FAT3: variants seen among roughly 807,000 people sequenced by gnomAD.
FAT3 encodes the protein protocadherin Fat 3.
FAT3 carries 95 observed loss-of-function variants against 310.2 expected under a neutral mutation model. The ratio of observed to expected loss-of-function variants is 0.31; its 90% CI spans 0.26 to 0.36. The LOEUF (loss-of-function observed/expected upper bound fraction) is 0.36, where lower values mean the gene tolerates loss of function less well. Among genes scored for constraint, FAT3 ranks in the 10% least tolerant of loss-of-function variants. The probability of loss-of-function intolerance (pLI) is 1.00; values close to 1 mark genes in which losing one functional copy is unlikely to be tolerated. For missense variants in FAT3, 5,408 were observed against 5,715.6 expected, an observed-to-expected ratio of 0.95 and a Z score of 1.74; for synonymous variants, 2,314 against 2,192.9, an observed-to-expected ratio of 1.06 and a Z score of -1.54.
intron 1 of FAT3, among the ~76,000 whole-genome samples, chr11:92,343,868 C>G (rs1262609935): frequency 6.6e-6 from 1 of 152,100 alleles, no homozygotes; most frequent in Non-Finnish European, 1.5e-5. Context: ...TACCTCACTT[C>G]CAAAGCTTTC....
chr11:92,265,730 A>G (rs191332315), intron 1 of FAT3, among the ~76,000 whole-genome samples: 5 of 152,214 alleles, frequency 3.3e-5, no homozygotes, highest in African/African-American at 1.2e-4. Flanking sequence ...GGACAATGTC[A>G]TCTCCTTGTG....
intron 3 of FAT3, among the ~76,000 whole-genome samples, chr11:92,626,847 T>G (rs1837325827): frequency 6.6e-6 from 1 of 152,228 alleles, no homozygotes; most frequent in Non-Finnish European, 1.5e-5. Context: ...CCACTTCTCA[T>G]GAACTATGCA....
At chr11:92,310,027 T>C (rs1232083242) in intron 1 of FAT3, among the ~76,000 whole-genome samples, 1 of 152,076 alleles carries the variant, frequency 6.6e-6, no homozygotes, top group Admixed American at 6.6e-5. Flanking sequence ...ATTGGTGGAA[T>C]GTCTATTCAC....
At chr11:92,404,219 A>G (rs2134882009) in intron 2 of FAT3, among the ~76,000 whole-genome samples, 1 of 152,268 alleles carries the variant, frequency 6.6e-6, no homozygotes, top group South Asian at 2.1e-4. Context: ...AGAGAGTACA[A>G]ATATTAAAAA....
At chr11:92,569,831 C>T (rs1955606624) in intron 3 of FAT3, among the ~76,000 whole-genome samples, 1 of 152,150 alleles carries the variant, frequency 6.6e-6, no homozygotes, top group Admixed American at 6.5e-5. Context: ...GAATTGCAAG[C>T]CTCCACCATC....
chr11:92,708,950 A>T (rs572840665), intron 4 of FAT3, among the ~76,000 whole-genome samples: 4 of 152,236 alleles, frequency 2.6e-5, no homozygotes, highest in African/African-American at 9.6e-5. Context: ...AGGTCATTAG[A>T]TCTCTACTAT....
Position 92,880,585 on chromosome 11 carries a change from G to A in FAT3, c.12128-146G>A, listed in dbSNP as rs1949650874. 9.0e-5 allele frequency: 82 copies of A among 912,378 alleles called. 1 individual carries two copies. In the South Asian group the frequency reaches 1.6e-3, roughly 17 times the overall value. 56.5% of individuals were successfully genotyped at this position (912,378 alleles called of 1,614,324 possible). On this transcript the variant is annotated intron_variant, in intron 22 of 27. Coordinates refer to ENST00000525166, the MANE Select transcript of FAT3 (RefSeq NM_001367949.2). ...GCATTTTTGTGGCAAGATGTTTCAA[G>A]CAATCAATTTGCTAACCACCTTTGG...
intron 1 of FAT3, among the ~76,000 whole-genome samples, chr11:92,344,870 G>A (rs969935070): frequency 2.0e-5 from 3 of 152,142 alleles, no homozygotes; most frequent in Non-Finnish European, 4.4e-5. Context: ...TAAGGCTGGG[G>A]GAGGGCACTA....
At chr11:92,881,573 A>G (rs1347041289) in intron 23 of FAT3, among the ~76,000 whole-genome samples, 1 of 152,202 alleles carries the variant, frequency 6.6e-6, no homozygotes, top group African/African-American at 2.4e-5. Context: ...ATTTTTAAAT[A>G]CTCTGTGATT....
chr11:92,385,115 C>T (rs1949586924), intron 2 of FAT3, among the ~76,000 whole-genome samples: 1 of 152,216 alleles, frequency 6.6e-6, no homozygotes, highest in Non-Finnish European at 1.5e-5. Flanking sequence ...TTGAAAATTG[C>T]ATCATAGTAT....
Position 92,243,941 on chromosome 11 carries a change from A to C in FAT3, c.-18+18767A>C. ...AAGATCAAAATTTAAGGAAAAGAAC[A>C]TCCGAATAAATTTAATGTCTTTCTT... On this transcript the variant is annotated intron_variant, in intron 1 of 27. Transcript: ENST00000525166. 1.3e-5 allele frequency among the ~76,000 whole-genome samples: 2 copies of C among 152,120 alleles called. 1 individual carries two copies. The highest frequency in any genetic ancestry group is 2.9e-5 in the Non-Finnish European group (2 of 67,982).
At chr11:92,503,521 G>T (rs61901554) in intron 2 of FAT3, among the ~76,000 whole-genome samples, 19,091 of 152,034 alleles carry the variant, frequency 0.13, 1,653 homozygotes, top group Non-Finnish European at 0.19. Context: ...AGAAGAAGTT[G>T]TTACTTCCAC....
chr11:92,354,854 G>A lies in FAT3; in HGVS notation c.2742G>A (p.Gln914=). 1 of 1,613,904 alleles carries A rather than the reference G, an allele frequency of 6.2e-7. No individual in the cohort carries two copies. Among genetic ancestry groups the A allele is most frequent in the East Asian group, 2.2e-5 (1 of 44,872 alleles). ...IEARDKAESG[Q]QLFSVVTLKV... The stretch of plus-strand genomic sequence containing the variant: ...CCAGGGACAAGGCAGAGAGTGGTCA[G>A]CAGCTGTTTTCAGTTGTCACTCTTA... The change falls in exon 2 of 28, where the codon CAG becomes CAA. Residue 914 remains glutamine (Q), a synonymous_variant. Transcript: ENST00000525166.
chr11:92,564,795 A>G (rs1315879591), intron 3 of FAT3, among the ~76,000 whole-genome samples: 1 of 148,206 alleles, frequency 6.7e-6, no homozygotes, highest in South Asian at 2.3e-4. Context: ...TACTGGGTAC[A>G]TAACGAAATG....
At chr11:92,231,996 A>G (rs189708663) in intron 1 of FAT3, among the ~76,000 whole-genome samples, 142 of 152,064 alleles carry the variant, frequency 9.3e-4, no homozygotes, top group African/African-American at 3.3e-3. Flanking sequence ...TCTATTTTTG[A>G]TTGTGGTTTG....
chr11:92,647,474 C>T (rs943165313), intron 3 of FAT3, among the ~76,000 whole-genome samples: 11 of 152,134 alleles, frequency 7.2e-5, no homozygotes, highest in African/African-American at 2.4e-4. Context: ...AACTCTACAT[C>T]AATATTACAT....
intron 3 of FAT3, among the ~76,000 whole-genome samples, chr11:92,615,309 C>A (rs1236563879): frequency 6.6e-6 from 1 of 152,114 alleles, no homozygotes; most frequent in Non-Finnish European, 1.5e-5. Flanking sequence ...TGCAGTGGCA[C>A]GATCTTCGCT....
intron 2 of FAT3, among the ~76,000 whole-genome samples, chr11:92,483,298 C>A (rs1449280814): frequency 6.6e-6 from 1 of 151,902 alleles, no homozygotes; most frequent in Non-Finnish European, 1.5e-5. Flanking sequence ...CTATCAAACA[C>A]ATCTTTTTTT....
intron 4 of FAT3, among the ~76,000 whole-genome samples, chr11:92,751,864 C>T (rs531331385): frequency 2.0e-5 from 3 of 152,220 alleles, no homozygotes; most frequent in Non-Finnish European, 2.9e-5. Flanking sequence ...TGTCACTTTC[C>T]GGCTGAATGG....
Sources: allele counts gnomAD v4.1 joint callset (sites outside exome capture counted in the v4.1 genomes callset), GRCh38; gene constraint gnomAD v4.1.1; transcripts MANE v1.5; gene names NCBI Gene and HGNC (gene_info 2026-07-23, HGNC 2026-07-21).